Variants in EPHA7 observed in about 807,000 individuals in gnomAD.
EPHA7 encodes the protein ephrin type-A receptor 7.
EPHA7 carries 25 observed loss-of-function variants against 112.6 expected under a neutral mutation model. That is an observed-to-expected ratio of 0.22 (90% CI 0.16 to 0.31). The LOEUF is 0.31. Among genes scored for constraint, EPHA7 ranks in the 10% least tolerant of loss-of-function variants. The pLI is 1.00. For synonymous variants in EPHA7, 437 were observed against 406.5 expected (o/e 1.07, Z -0.90); for missense variants, 962 against 1,212.6 (o/e 0.79, Z 3.07).
intron 6 of EPHA7, among the ~76,000 whole-genome samples, chr6:93,270,322 C>A (rs1177698439): frequency 6.6e-6 from 1 of 151,224 alleles, no homozygotes; most frequent in African/African-American, 2.4e-5. Flanking sequence ...AAAGCTAATG[C>A]AAATTTACTA....
At chr6:93,347,239 G>C (rs1163862790) in intron 5 of EPHA7, among the ~76,000 whole-genome samples, 4 of 151,780 alleles carry the variant, frequency 2.6e-5, no homozygotes, top group Non-Finnish European at 4.4e-5. Flanking sequence ...TTCAAAACTT[G>C]GGAACAAAAT....
rs1769758224 is a variant in EPHA7, at chr6:93,243,185, GTAGT to G, written c.*237_*240del. The G allele has an allele frequency of 2.8e-6, 1 of 363,570 alleles. No individual in the cohort carries two copies. Among genetic ancestry groups the G allele is most frequent in the Non-Finnish European group, 4.9e-6 (1 of 202,592 alleles). The allele number at this position is 363,570 out of a possible 1,614,324, so 22.5% of individuals were successfully genotyped here. A position where few individuals can be genotyped will look rare whatever the true frequency, so the allele number is the denominator to read the frequency against. On this transcript the variant is annotated 3_prime_UTR_variant, in exon 17 of 17. Transcript: ENST00000369303. ...CTCAAGGTGTTTGGATGTTTTTCAGGTAGTACTTTGTTTATTGTCACTGCTATTT... is the reference window on the plus strand; with the variant it reads ...CTCAAGGTGTTTGGATGTTTTTCAGGACTTTGTTTATTGTCACTGCTATTT...
At chr6:93,323,494 C>T (rs899187660) in intron 5 of EPHA7, among the ~76,000 whole-genome samples, 11 of 151,418 alleles carry the variant, frequency 7.3e-5, no homozygotes, top group African/African-American at 2.7e-4. Flanking sequence ...TTATTGTACA[C>T]GTACAAATAT....
intron 9 of EPHA7, among the ~76,000 whole-genome samples, 185 bp downstream of exon 9, chr6:93,263,675 T>G (rs1432483747): frequency 6.6e-6 from 1 of 151,494 alleles, no homozygotes; most frequent in African/African-American, 2.4e-5. Flanking sequence ...ACATATTTTA[T>G]TTTTTCAAAT....
At chr6:93,343,340 A>G (rs867458330) in intron 5 of EPHA7, among the ~76,000 whole-genome samples, 20 of 151,780 alleles carry the variant, frequency 1.3e-4, no homozygotes, top group Non-Finnish European at 2.9e-5. Context: ...AAAAAAATTT[A>G]CAAAGCAGCT....
At chr6:93,337,736 T>C (rs1371346071) in intron 5 of EPHA7, among the ~76,000 whole-genome samples, 1 of 152,136 alleles carries the variant, frequency 6.6e-6, no homozygotes, top group Non-Finnish European at 1.5e-5. Context: ...AAGTTAGATA[T>C]ACCTCAGAAA....
At chr6:93,383,729 T>A (rs896192008) in intron 3 of EPHA7, among the ~76,000 whole-genome samples, 9 of 152,134 alleles carry the variant, frequency 5.9e-5, no homozygotes. Context: ...ATAGACAATG[T>A]CTTGTTGTCA....
chr6:93,345,687 TG>T (rs1775369073), intron 5 of EPHA7, among the ~76,000 whole-genome samples: 1 of 151,772 alleles, frequency 6.6e-6, no homozygotes, highest in African/African-American at 2.4e-5. Flanking sequence ...GTAACAATCA[TG>T]CTTTAGCAGT....
intron 5 of EPHA7, among the ~76,000 whole-genome samples, chr6:93,350,756 T>A (rs972228062): frequency 1.3e-5 from 2 of 151,942 alleles, no homozygotes; most frequent in Non-Finnish European, 2.9e-5. Flanking sequence ...TTTTTTTTTT[T>A]AACAAACGAC....
At chr6:93,319,716 C>T (rs2127881468) in intron 5 of EPHA7, among the ~76,000 whole-genome samples, 1 of 152,174 alleles carries the variant, frequency 6.6e-6, no homozygotes, top group South Asian at 2.1e-4. Flanking sequence ...ATAGGAAATG[C>T]TGGGGGCTAC....
intron 16 of EPHA7, 138 bp downstream of exon 16, chr6:93,245,160 A>C: frequency 1.3e-6 from 1 of 773,724 alleles, no homozygotes; most frequent in Non-Finnish European, 2.0e-6. Context: ...GTACGCAGTA[A>C]GAACTTGTTA....
At chr6:93,337,754 A>G (rs143318683) in intron 5 of EPHA7, among the ~76,000 whole-genome samples, 117 of 152,254 alleles carry the variant, frequency 7.7e-4, no homozygotes, top group African/African-American at 2.7e-3. Flanking sequence ...AAAGAGAAGT[A>G]AGTATCACAG....
At chr6:93,265,870 G>GT (rs1236138592) in intron 7 of EPHA7, among the ~76,000 whole-genome samples, 3 of 151,536 alleles carry the variant, frequency 2.0e-5, no homozygotes, top group South Asian at 2.1e-4. Flanking sequence ...GAAGTATAAA[G>GT]TTTTTTTCAG....
At chr6:93,255,365 A>G (rs937159400) in intron 13 of EPHA7, among the ~76,000 whole-genome samples, 1 of 151,862 alleles carries the variant, frequency 6.6e-6, no homozygotes, top group African/African-American at 2.4e-5. Context: ...AACAACAACA[A>G]CAACAGCCAC....
chr6:93,341,005 A>C (rs527753735), intron 5 of EPHA7, among the ~76,000 whole-genome samples: 4 of 151,946 alleles, frequency 2.6e-5, no homozygotes, highest in Admixed American at 2.0e-4. Flanking sequence ...ATGACAGTGG[A>C]AACTGGAAAA....
chr6:93,307,471 A>G (rs1005407078), intron 5 of EPHA7, among the ~76,000 whole-genome samples: 2 of 152,150 alleles, frequency 1.3e-5, no homozygotes, highest in African/African-American at 4.8e-5. Context: ...TGGAAAATAA[A>G]AAGAAGGATG....
chr6:93,332,544 A>C (rs59887188), intron 5 of EPHA7, among the ~76,000 whole-genome samples: 8,872 of 151,670 alleles, frequency 0.058, 330 homozygotes, highest in African/African-American at 0.11. Context: ...GTTAAATTTA[A>C]TTTTTGTGCT....
At position 93,356,867 on chromosome 6, in the gene EPHA7, G is replaced by T; in HGVS notation, c.1174C>A (p.Gln392Lys). The change falls in exon 5 of 17, where the codon CAG becomes AAG. Residue 392 changes from glutamine (Q) to lysine (K), a missense_variant. Around this residue, in one of 3 missense-constraint regions of EPHA7, gnomAD observed 746 missense variants for 889.2 expected, o/e 0.84. Coordinates refer to ENST00000369303, the MANE Select transcript of EPHA7 (RefSeq NM_004440.4). ...CGSNIGYMPQ[Q>K]TGLEDNYVTV... is the part of the protein sequence containing the mutation. ...ACATAGTTATCCTCTAATCCAGTCT[G>T]CTGGGGCATGTATCCAATGTTACTC... The T allele has an allele frequency of 1.2e-6, 2 of 1,614,164 alleles. No homozygotes were observed. Among genetic ancestry groups the T allele is most frequent in the Non-Finnish European group, 8.5e-7 (1 of 1,180,028 alleles).
At chr6:93,371,033 G>A (rs866167149) in intron 3 of EPHA7, among the ~76,000 whole-genome samples, 15 of 151,608 alleles carry the variant, frequency 9.9e-5, no homozygotes, top group African/African-American at 2.4e-4. Flanking sequence ...CCGTGGCGGC[G>A]GGAGCCTGTA....
Sources: allele counts gnomAD v4.1 joint callset (sites outside exome capture counted in the v4.1 genomes callset), GRCh38; gene constraint gnomAD v4.1.1; regional missense constraint gnomAD v4.1.1; transcripts MANE v1.5; gene names NCBI Gene and HGNC (gene_info 2026-07-23, HGNC 2026-07-21).